The following SLIT1 variants were observed in gnomAD, a reference collection of about 807,000 sequenced individuals.
SLIT1 encodes the protein slit guidance ligand 1.
A neutral mutation model predicts 186.1 loss-of-function variants in SLIT1; 66 were observed. The ratio of observed to expected loss-of-function variants is 0.35; its 90% confidence interval spans 0.29 to 0.44. SLIT1 has a LOEUF of 0.44. Among genes scored for constraint, SLIT1 ranks in the 20% least tolerant of loss-of-function variants. The pLI is 1.00. For missense variants in SLIT1, 1,638 were observed against 2,037.4 expected (o/e 0.80, Z 3.77); for synonymous variants, 761 against 833.8 (o/e 0.91, Z 1.50).
At chr10:97,040,158 G>A in intron 20 of SLIT1, 38 bp from the exon 21 acceptor site, 1 of 1,512,256 alleles carries the variant, frequency 6.6e-7, no homozygotes, top group East Asian at 2.4e-5. Context: ...CAGGGAGGTG[G>A]ACGGGCCGCT....
intron 23 of SLIT1, among the ~76,000 whole-genome samples, chr10:97,033,452 ACAAAAAATGTT>A (rs1848609686): frequency 6.6e-6 from 1 of 152,042 alleles, no homozygotes; most frequent in African/African-American, 2.4e-5. Context: ...GAATATGGCC[ACAAAAAATGTT>A]CAGAGGGTCA....
intron 22 of SLIT1, 102 bp from the exon 23 acceptor site, chr10:97,034,644 C>A: frequency 9.2e-7 from 1 of 1,090,880 alleles, no homozygotes; most frequent in South Asian, 1.3e-5. Context: ...GGCCATTCCC[C>A]AGCCAGGTTG....
intron 2 of SLIT1, among the ~76,000 whole-genome samples, chr10:97,163,693 A>G (rs1850063403): frequency 6.6e-6 from 1 of 152,240 alleles, no homozygotes; most frequent in Admixed American, 6.5e-5. Flanking sequence ...ACCTCACCAC[A>G]AAATGCACTT....
chr10:97,132,243 G>A lies in SLIT1; in HGVS notation c.413+25575C>T, dbSNP rs142670595. The stretch of plus-strand genomic sequence containing the variant: ...TCTTCCCAGACCCTGGCCCCTGCAG[G>A]CTTCAGTCTGGCCCCTCTGCAGGCT... On this transcript the variant is annotated intron_variant, in intron 4 of 36. Transcript: ENST00000266058. 6.2e-4 allele frequency among the ~76,000 whole-genome samples: 95 copies of A among 152,190 alleles called. 1 individual carries two copies. In the East Asian group the frequency reaches 0.017, roughly 27 times the overall value.
At chr10:97,084,489 T>G (rs1225293310) in intron 4 of SLIT1, among the ~76,000 whole-genome samples, 1 of 152,244 alleles carries the variant, frequency 6.6e-6, no homozygotes, top group East Asian at 1.9e-4. Context: ...TTTCCATATC[T>G]GTAAAATGGG....
intron 4 of SLIT1, among the ~76,000 whole-genome samples, chr10:97,151,315 G>C: frequency 6.6e-6 from 1 of 151,022 alleles, no homozygotes. Context: ...GAGATAGAAG[G>C]GTATCTGGGT....
At chr10:97,047,891 T>G in intron 15 of SLIT1, 57 bp from the exon 16 acceptor site, 5 of 1,613,514 alleles carry the variant, frequency 3.1e-6, no homozygotes, top group Non-Finnish European at 4.2e-6. Context: ...TCCCAGCAGT[T>G]TGGGTCAACC....
In SLIT1 at chr10:97,164,881, A is replaced by G. The variant is rs756253739; in HGVS notation, c.207T>C (p.Asn69=). ...TATGGATCCGAGTGATGTTGTTGCC[A>G]TTGAGTTCCCTGGAGGAAGAAGGAG... ...IPRNTERLEL[N]GNNITRIHKN... is the part of the protein sequence containing the mutation. Residue 69 remains asparagine, a synonymous_variant, in exon 2 of 37, where the codon AAT becomes AAC. Coordinates refer to ENST00000266058, the MANE Select transcript of SLIT1 (RefSeq NM_003061.3). 1.2e-6 allele frequency: 2 copies of G among 1,612,896 alleles called. No individual in the cohort carries two copies. The highest frequency in any genetic ancestry group is 8.5e-7 in the Non-Finnish European group (1 of 1,179,190).
chr10:97,120,831 C>A (rs112973569), intron 4 of SLIT1, among the ~76,000 whole-genome samples: 2 of 152,340 alleles, frequency 1.3e-5, no homozygotes, highest in African/African-American at 4.8e-5. Context: ...GACTCTGACT[C>A]TCTCTCCCTA....
intron 4 of SLIT1, among the ~76,000 whole-genome samples, chr10:97,138,300 C>A (rs1431202675): frequency 6.6e-6 from 1 of 152,250 alleles, no homozygotes; most frequent in African/African-American, 2.4e-5. Context: ...GTGGCCTCCC[C>A]ACTTACGGGC....
Position 97,046,634 on chromosome 10 carries a change from C to A in SLIT1, c.1853+20G>T. 6.3e-7 allele frequency: 1 copy of A among 1,592,990 alleles called. No homozygotes were observed. The highest frequency in any genetic ancestry group is 8.5e-7 in the Non-Finnish European group (1 of 1,173,258). On this transcript the variant is annotated intron_variant, in intron 18 of 36. Coordinates refer to ENST00000266058, the MANE Select transcript of SLIT1 (RefSeq NM_003061.3). ...CCTCCTGCAGCTGGCCCACCCTGCT[C>A]CCCAGCCCTGCACACTCACAGGGTC...
At chr10:97,175,109 C>T (rs554333771) in intron 1 of SLIT1, among the ~76,000 whole-genome samples, 1 of 152,304 alleles carries the variant, frequency 6.6e-6, no homozygotes, top group South Asian at 2.1e-4. Context: ...AATGTGACTC[C>T]TCTGGGTAAC....
chr10:97,002,365 C>A lies in SLIT1; in HGVS notation c.4159G>T (p.Val1387Phe). The part of the protein sequence containing the change: ...ADGPCHGHKC[V>F]HGQCVPLDAL... ...TCGAGGGGCACGCATTGCCCATGGACACACCTGGAGGAGACAGAGAAAAGG... is the reference window on the plus strand; with the variant it reads ...TCGAGGGGCACGCATTGCCCATGGAAACACCTGGAGGAGACAGAGAAAAGG... The change falls in exon 36 of 37, where the codon GTC becomes TTC. Residue 1387 changes from valine (V) to phenylalanine (F), a missense_variant. This residue lies in a region of SLIT1 where 220 missense variants were observed against 211.3 expected (regional missense o/e 1.04). Coordinates refer to ENST00000266058, the MANE Select transcript of SLIT1 (RefSeq NM_003061.3). 6.2e-7 allele frequency: 1 copy of A among 1,600,358 alleles called. No individual in the cohort carries two copies. Among genetic ancestry groups the A allele is most frequent in the Non-Finnish European group, 8.5e-7 (1 of 1,174,314 alleles).
At chr10:97,127,942 C>T (rs1285721140) in intron 4 of SLIT1, among the ~76,000 whole-genome samples, 3 of 152,080 alleles carry the variant, frequency 2.0e-5, no homozygotes, top group Non-Finnish European at 1.5e-5. Context: ...AGGTAGAAAA[C>T]CCAGAGGCAA....
In SLIT1 at chr10:97,011,103, A is replaced by G. The variant is rs746788252; in HGVS notation, c.3231T>C (p.Gly1077=). 6.2e-7 allele frequency: 1 copy of G among 1,613,700 alleles called. No individual in the cohort carries two copies. The highest frequency in any genetic ancestry group is 1.7e-5 in the Admixed American group (1 of 60,004). The change falls in exon 31 of 37, where the codon GGT becomes GGC. Residue 1077 remains glycine (G), a synonymous_variant. Coordinates refer to ENST00000266058, the MANE Select transcript of SLIT1 (RefSeq NM_003061.3). ...PRCECMPGYA[G]DNCSENQDDC... ...CATCCTGGTTCTCACTGCAGTTGTC[A>G]CCTGCATAACCTGGCATGCACTCAC...
chr10:97,003,791 A>T (rs964616869), intron 34 of SLIT1, among the ~76,000 whole-genome samples: 2 of 152,150 alleles, frequency 1.3e-5, no homozygotes, highest in African/African-American at 4.8e-5. Context: ...AACCAAGAGG[A>T]AATGTGCCCA....
At chr10:97,100,900 A>C (rs1849345849) in intron 4 of SLIT1, among the ~76,000 whole-genome samples, 1 of 152,202 alleles carries the variant, frequency 6.6e-6, no homozygotes, top group Admixed American at 6.5e-5. Context: ...GGGGAGGAAA[A>C]GTGCTGCTGC....
intron 23 of SLIT1, among the ~76,000 whole-genome samples, chr10:97,033,154 T>A (rs889126376): frequency 6.6e-6 from 1 of 150,424 alleles, no homozygotes; most frequent in Non-Finnish European, 1.5e-5. Context: ...GCTCAAACCA[T>A]CCTCCCACCT....
intron 4 of SLIT1, among the ~76,000 whole-genome samples, chr10:97,137,653 C>T (rs1167429132): frequency 6.6e-6 from 1 of 151,894 alleles, no homozygotes; most frequent in Non-Finnish European, 1.5e-5. Context: ...GACATAATCT[C>T]GGCTCACTGC....
Sources: gnomAD v4.1 joint callset for allele counts (sites outside exome capture counted in the v4.1 genomes callset) on GRCh38, gnomAD v4.1.1 for gene constraint, gnomAD v4.1.1 regional missense constraint, MANE v1.5 for transcripts, NCBI Gene and HGNC (gene_info 2026-07-23, HGNC 2026-07-21) for gene names.